The following XPO7 variants were observed in gnomAD, a reference collection of about 807,000 sequenced individuals.
The protein encoded by XPO7 is exportin 7.
Under a neutral mutation model 144.3 loss-of-function variants are expected in XPO7, and 21 were observed. The ratio of observed to expected loss-of-function variants is 0.15; its 90% CI spans 0.10 to 0.21. XPO7 has a LOEUF of 0.21. Ranked by LOEUF, XPO7 falls within the 10% of genes least tolerant of loss-of-function variation. The pLI is 1.00. For missense variants in XPO7, 808 were observed against 1,325.8 expected (o/e 0.61, Z 6.06); for synonymous variants, 580 against 499.6 (o/e 1.16, Z -2.15).
intron 7 of XPO7, 22 bp downstream of exon 7, chr8:21,976,543 C>CA: frequency 6.2e-7 from 1 of 1,601,394 alleles, no homozygotes; most frequent in Non-Finnish European, 8.5e-7. Context: ...TCCTCCACCT[C>CA]AAAGGCTGTC....
intron 1 of XPO7, among the ~76,000 whole-genome samples, chr8:21,935,774 A>G (rs1245327361): frequency 6.6e-6 from 1 of 151,810 alleles, no homozygotes; most frequent in Non-Finnish European, 1.5e-5. Flanking sequence ...TACTAATTAA[A>G]TCCATGGCCC....
At chr8:21,989,483 A>G (rs376409471) in intron 16 of XPO7, among the ~76,000 whole-genome samples, 12 of 152,210 alleles carry the variant, frequency 7.9e-5, no homozygotes, top group East Asian at 3.8e-4. Flanking sequence ...AGTGATGACT[A>G]TGCTTCCTCT....
At chr8:21,965,164 C>A (rs1255130137) in intron 1 of XPO7, among the ~76,000 whole-genome samples, 2 of 148,938 alleles carry the variant, frequency 1.3e-5, no homozygotes, top group Non-Finnish European at 3.0e-5. Flanking sequence ...TTAAGGGAAT[C>A]ATTTTGTAGG....
chr8:22,000,453 ATT>A (rs34272523), intron 24 of XPO7, among the ~76,000 whole-genome samples: 6 of 128,704 alleles, frequency 4.7e-5, no homozygotes, highest in Admixed American at 2.4e-4. Context: ...CCTTCCAACA[ATT>A]TTTTTTTTTT....
intron 5 of XPO7, among the ~76,000 whole-genome samples, chr8:21,973,192 C>T (rs1001514165): frequency 3.9e-5 from 6 of 152,194 alleles, no homozygotes; most frequent in African/African-American, 1.4e-4. Context: ...TATTTAACCA[C>T]TCTTATCTTT....
chr8:21,921,799 G>C (rs1810297629), intron 1 of XPO7, among the ~76,000 whole-genome samples: 2 of 152,190 alleles, frequency 1.3e-5, no homozygotes, highest in South Asian at 2.1e-4. Flanking sequence ...AGTGCTTAGT[G>C]GTCTTCATAT....
intron 1 of XPO7, among the ~76,000 whole-genome samples, chr8:21,952,885 A>G (rs1811417122): frequency 6.6e-6 from 1 of 152,212 alleles, no homozygotes; most frequent in African/African-American, 2.4e-5. Context: ...CAAACTGCGG[A>G]AGGAAGAATA....
intron 23 of XPO7, 54 bp from the exon 24 acceptor site, chr8:21,999,482 C>A: frequency 6.2e-7 from 1 of 1,605,704 alleles, no homozygotes; most frequent in Non-Finnish European, 8.5e-7. Flanking sequence ...CGTCTCCCTG[C>A]ATGCTGGAGT....
chr8:21,954,440 C>G (rs1811470332), intron 1 of XPO7, among the ~76,000 whole-genome samples: 1 of 152,122 alleles, frequency 6.6e-6, no homozygotes, highest in African/African-American at 2.4e-5. Flanking sequence ...TCGTGACCAG[C>G]CTGACCAGCA....
chr8:21,997,527 G>A (rs767008909), intron 21 of XPO7, among the ~76,000 whole-genome samples: 3 of 152,210 alleles, frequency 2.0e-5, no homozygotes, highest in Non-Finnish European at 2.9e-5. Flanking sequence ...TCCTGAGATA[G>A]GACAGGCTTG....
At chr8:21,961,585 T>TACGA (rs1459778343) in intron 1 of XPO7, among the ~76,000 whole-genome samples, 1 of 152,160 alleles carries the variant, frequency 6.6e-6, no homozygotes, top group Non-Finnish European at 1.5e-5. Context: ...ACTAGCAACA[T>TACGA]ACGAGTTCTG....
intron 1 of XPO7, among the ~76,000 whole-genome samples, chr8:21,956,625 T>G (rs1811542622): frequency 7.0e-6 from 1 of 143,244 alleles, no homozygotes; most frequent in Non-Finnish European, 1.5e-5. Flanking sequence ...CCTTTTGCTC[T>G]GTTGTCTGTG....
At position 21,970,320 on chromosome 8, in the gene XPO7, A is replaced by C; in HGVS notation, c.426+10A>C. The C allele has an allele frequency of 6.2e-7, 1 of 1,610,664 alleles. No individual in the cohort carries two copies. On this transcript the variant is annotated intron_variant, in intron 4 of 27. Coordinates refer to ENST00000252512, the MANE Select transcript of XPO7 (RefSeq NM_015024.5). ...CACAAGGTTTTTACAGGTACAGTGTATATATTTGATGTAATGGGAATGGGA... is the reference window on the plus strand; with the variant it reads ...CACAAGGTTTTTACAGGTACAGTGTCTATATTTGATGTAATGGGAATGGGA...
chr8:21,958,040 C>T (rs1811597479), intron 1 of XPO7, among the ~76,000 whole-genome samples: 1 of 151,942 alleles, frequency 6.6e-6, no homozygotes, highest in Non-Finnish European at 1.5e-5. Flanking sequence ...ATAGAAATGG[C>T]GATTTAAGCA....
chr8:21,997,557 C>G (rs1439751731), intron 21 of XPO7, among the ~76,000 whole-genome samples: 3 of 152,132 alleles, frequency 2.0e-5, no homozygotes, highest in African/African-American at 7.2e-5. Context: ...GTGGCAGGAG[C>G]CTGGTTGGTG....
At chr8:21,945,504 A>T (rs1435741527) in intron 1 of XPO7, among the ~76,000 whole-genome samples, 1 of 152,248 alleles carries the variant, frequency 6.6e-6, no homozygotes, top group Non-Finnish European at 1.5e-5. Flanking sequence ...AACAGGAAAG[A>T]TACAGTTTAA....
intron 1 of XPO7, among the ~76,000 whole-genome samples, chr8:21,953,545 A>G (rs987485386): frequency 1.3e-5 from 2 of 152,340 alleles, no homozygotes; most frequent in African/African-American, 4.8e-5. Context: ...AAGGAGCGCA[A>G]TTGCTGGATC....
At chr8:21,929,637 C>T (rs1472228840) in intron 1 of XPO7, among the ~76,000 whole-genome samples, 4 of 152,186 alleles carry the variant, frequency 2.6e-5, no homozygotes, top group African/African-American at 9.7e-5. Flanking sequence ...AATCGTAGTT[C>T]TCTTCAGCTT....
intron 7 of XPO7, among the ~76,000 whole-genome samples, chr8:21,977,449 C>T (rs904080305): frequency 3.9e-5 from 6 of 152,192 alleles, no homozygotes; most frequent in Middle Eastern, 3.4e-3. Flanking sequence ...CATGGTGGCA[C>T]GTGCCTGTAA....
Sources: allele counts gnomAD v4.1 joint callset (sites outside exome capture counted in the v4.1 genomes callset), GRCh38; gene constraint gnomAD v4.1.1; transcripts MANE v1.5; gene names NCBI Gene and HGNC (gene_info 2026-07-23, HGNC 2026-07-21).